Variants in KCNH8 observed in about 807,000 individuals in gnomAD.
KCNH8 encodes voltage-gated delayed rectifier potassium channel KCNH8.
A neutral mutation model predicts 103.6 loss-of-function variants in KCNH8; 70 were observed. The ratio of observed to expected loss-of-function variants is 0.68; its 90% CI spans 0.56 to 0.82. The LOEUF (loss-of-function observed/expected upper bound fraction) is 0.82. KCNH8 is among the 40% of genes least tolerant of loss of function. The probability of loss-of-function intolerance (pLI) is 0.00; values close to 1 mark genes in which losing one functional copy is unlikely to be tolerated. For synonymous variants in KCNH8, 498 were observed against 489.4 expected, an observed-to-expected ratio of 1.02 and a Z score of -0.23; for missense variants, 1,217 against 1,329.9, an observed-to-expected ratio of 0.92 and a Z score of 1.32.
At chr3:19,392,047 TTTTA>T (rs1179770809) in intron 6 of KCNH8, among the ~76,000 whole-genome samples, 1 of 151,322 alleles carries the variant, frequency 6.6e-6, no homozygotes, top group Non-Finnish European at 1.5e-5. Context: ...TATGTTCCAT[TTTTA>T]TTTGAGTACT....
intron 1 of KCNH8, among the ~76,000 whole-genome samples, chr3:19,247,100 GA>G (rs1191784147): frequency 6.6e-6 from 1 of 152,154 alleles, no homozygotes; most frequent in Non-Finnish European, 1.5e-5. Context: ...AACCATAAAT[GA>G]AGAATGAAAC....
chr3:19,318,662 T>TGTGTACACACACACAC (rs1491117852), intron 3 of KCNH8, among the ~76,000 whole-genome samples: 2 of 142,522 alleles, frequency 1.4e-5, no homozygotes, highest in African/African-American at 5.2e-5. Flanking sequence ...TGTGTGTGTG[T>TGTGTACACACACACAC]ACACACACAC....
At position 19,396,629 on chromosome 3, in the gene KCNH8, C is replaced by T. The variant is rs183351443; in HGVS notation, c.1177+1318C>T. On this transcript the variant is annotated intron_variant, in intron 7 of 15. Transcript: ENST00000328405. ...AACTACCAAGTGAAAGCAAACATAT[C>T]TTAGATAAAAATAAGATCCAATAAG... Among the ~76,000 whole-genome samples the T allele has an allele frequency of 1.2e-3, 179 of 151,846 alleles. 1 individual carries two copies. Among genetic ancestry groups the T allele is most frequent in the East Asian group, 1.9e-4 (1 of 5,142 alleles).
chr3:19,496,999 A>T (rs760291996), intron 11 of KCNH8, among the ~76,000 whole-genome samples: 3 of 151,840 alleles, frequency 2.0e-5, no homozygotes, highest in Admixed American at 2.0e-4. Context: ...TGTGTCCAGG[A>T]ATTTATCAGT....
Position 19,393,986 on chromosome 3 carries a change from T to G in KCNH8, c.970-1118T>G, listed in dbSNP as rs1382832188. Among the ~76,000 whole-genome samples the G allele has an allele frequency of 1.3e-5, 2 of 152,072 alleles. 1 individual carries two copies. Among genetic ancestry groups the G allele is most frequent in the Non-Finnish European group, 2.9e-5 (2 of 67,974 alleles). On this transcript the variant is annotated intron_variant, in intron 6 of 15. Transcript: ENST00000328405. The stretch of plus-strand genomic sequence containing the variant: ...GTCAGGTACTGTTCTAGGTATGTTT[T>G]TCTTAGAGATAAGAGAATATGGCTA...
chr3:19,220,218 C>T (rs1026061103), intron 1 of KCNH8, among the ~76,000 whole-genome samples: 6 of 152,154 alleles, frequency 3.9e-5, no homozygotes, highest in Admixed American at 6.5e-5. Context: ...AGCATAGATG[C>T]TATATATGGA....
chr3:19,229,643 G>A lies in KCNH8; in HGVS notation c.77-24011G>A, dbSNP rs543784190. Among the ~76,000 whole-genome samples the A allele has an allele frequency of 3.9e-5, 6 of 152,348 alleles. No individual in the cohort carries two copies. The East Asian group carries it at 1.2e-3, about 29-fold the overall frequency. On this transcript the variant is annotated intron_variant, in intron 1 of 15. Coordinates refer to ENST00000328405, the MANE Select transcript of KCNH8 (RefSeq NM_144633.3). ...TCCTAGGCCTCTGGGCCTGTGATGG[G>A]AGGGGCTGTGACATGCCCTGGAGAC...
intron 1 of KCNH8, among the ~76,000 whole-genome samples, chr3:19,240,627 A>G (rs1402188804): frequency 6.6e-6 from 1 of 150,946 alleles, no homozygotes; most frequent in South Asian, 2.1e-4. Context: ...AAAAAAAAAA[A>G]CAAAAAAAAC....
At chr3:19,369,131 C>CAT (rs1041386687) in intron 5 of KCNH8, among the ~76,000 whole-genome samples, 8 of 151,842 alleles carry the variant, frequency 5.3e-5, no homozygotes, top group African/African-American at 1.9e-4. Flanking sequence ...TAGGTATAAA[C>CAT]ATATTTTGAA....
intron 1 of KCNH8, among the ~76,000 whole-genome samples, chr3:19,169,179 G>C (rs969723299): frequency 2.7e-5 from 4 of 150,804 alleles, no homozygotes; most frequent in Non-Finnish European, 5.9e-5. Flanking sequence ...TCTGGGCCAA[G>C]TTTCACGACC....
At chr3:19,365,499 C>T (rs768329787) in intron 5 of KCNH8, among the ~76,000 whole-genome samples, 3 of 151,726 alleles carry the variant, frequency 2.0e-5, no homozygotes, top group East Asian at 1.9e-4. Flanking sequence ...TTTATATAAC[C>T]GCATCTTAAT....
At chr3:19,354,432 A>G (rs1411418145) in intron 5 of KCNH8, among the ~76,000 whole-genome samples, 1 of 152,294 alleles carries the variant, frequency 6.6e-6, no homozygotes, top group East Asian at 1.9e-4. Flanking sequence ...AGTCAGTCCT[A>G]AGCCAAAAGA....
intron 1 of KCNH8, among the ~76,000 whole-genome samples, chr3:19,212,251 A>G (rs180714977): frequency 1.3e-3 from 191 of 152,324 alleles, no homozygotes; most frequent in Non-Finnish European, 2.3e-3. Context: ...TGATTTTAAG[A>G]GTGAATATTC....
intron 3 of KCNH8, among the ~76,000 whole-genome samples, chr3:19,297,809 G>C (rs887548200): frequency 6.6e-6 from 1 of 152,234 alleles, no homozygotes; most frequent in Non-Finnish European, 1.5e-5. Context: ...CTTCAGTCAA[G>C]TGATTTCATT....
chr3:19,480,702 T>C (rs917102212), intron 11 of KCNH8, among the ~76,000 whole-genome samples: 1 of 152,200 alleles, frequency 6.6e-6, no homozygotes, highest in Non-Finnish European at 1.5e-5. Flanking sequence ...TCAAGCTCAA[T>C]AGTAGAATGT....
chr3:19,468,316 TG>T (rs774593669), intron 11 of KCNH8, among the ~76,000 whole-genome samples: 19 of 152,326 alleles, frequency 1.2e-4, no homozygotes, highest in Non-Finnish European at 5.9e-5. Context: ...CTTTGGTGCC[TG>T]GAACTAATGT....
intron 11 of KCNH8, among the ~76,000 whole-genome samples, chr3:19,467,054 T>C (rs1186773475): frequency 6.6e-6 from 1 of 152,156 alleles, no homozygotes; most frequent in South Asian, 2.1e-4. Context: ...AATGTAAACA[T>C]GACTTTTATA....
In KCNH8 at chr3:19,385,147, G is replaced by C. The variant is rs370818099; in HGVS notation, c.812-5334G>C. Among the ~76,000 whole-genome samples the C allele has an allele frequency of 3.3e-5, 5 of 152,116 alleles. No individual in the cohort carries two copies. The East Asian group carries it at 5.8e-4, about 18-fold the overall frequency. On this transcript the variant is annotated intron_variant, in intron 5 of 15. Transcript: ENST00000328405. ...GGGCTGGGAGAGGACAATGTATTCTGTGCTGCTGCTGAGAACAAAACTAGA... is the reference window on the plus strand; with the variant it reads ...GGGCTGGGAGAGGACAATGTATTCTCTGCTGCTGCTGAGAACAAAACTAGA...
chr3:19,415,132 A>G (rs1184066419), intron 7 of KCNH8, among the ~76,000 whole-genome samples: 2 of 151,960 alleles, frequency 1.3e-5, no homozygotes, highest in Non-Finnish European at 2.9e-5. Context: ...TTCTATGTGA[A>G]TAATCACAAA....
Sources: gnomAD v4.1 joint callset for allele counts (sites outside exome capture counted in the v4.1 genomes callset) on GRCh38, gnomAD v4.1.1 for gene constraint, MANE v1.5 for transcripts, NCBI Gene and HGNC (gene_info 2026-07-23, HGNC 2026-07-21) for gene names.